ANO3: variants seen among roughly 807,000 people sequenced by gnomAD.
ANO3 encodes the protein anoctamin 3, also known as anoctamin-3.
ANO3 carries 99 observed loss-of-function variants against 144.8 expected under a neutral mutation model. The ratio of observed to expected loss-of-function variants is 0.68; its 90% CI spans 0.58 to 0.81. The LOEUF (loss-of-function observed/expected upper bound fraction) is 0.81. Among genes scored for constraint, ANO3 ranks in the 30% least tolerant of loss-of-function variants. The pLI is 0.00. For synonymous variants in ANO3, 414 were observed against 392.6 expected (o/e 1.05, Z -0.64); for missense variants, 905 against 1,202.2 (o/e 0.75, Z 3.66).
At chr11:26,257,003 C>G (rs1161543507) in intron 1 of ANO3, among the ~76,000 whole-genome samples, 1 of 151,936 alleles carries the variant, frequency 6.6e-6, no homozygotes, top group Non-Finnish European at 1.5e-5. Context: ...AATTATCCAT[C>G]CCAAAATGTG....
intron 1 of ANO3, among the ~76,000 whole-genome samples, chr11:26,191,335 TAC>T (rs746463223): frequency 0.013 from 1,926 of 143,624 alleles, 25 homozygotes; most frequent in African/African-American, 0.035. Flanking sequence ...TATACACACA[TAC>T]ACACACACAC....
At chr11:26,349,927 A>G (rs1855596429) in intron 1 of ANO3, among the ~76,000 whole-genome samples, 1 of 152,166 alleles carries the variant, frequency 6.6e-6, no homozygotes, top group African/African-American at 2.4e-5. Flanking sequence ...ACAGTAGCAG[A>G]AACTGAAGGC....
chr11:26,345,202 G>T (rs10734373), intron 1 of ANO3, among the ~76,000 whole-genome samples: 2 of 152,276 alleles, frequency 1.3e-5, no homozygotes, highest in Admixed American at 1.3e-4. Context: ...AATTGGAATT[G>T]TGACAATCAA....
intron 1 of ANO3, among the ~76,000 whole-genome samples, chr11:26,387,130 A>AT (rs372622053): frequency 0.017 from 2,198 of 128,190 alleles, 31 homozygotes; most frequent in Non-Finnish European, 0.021. Context: ...CAAATGTAGT[A>AT]TTTTTTTTTT....
In ANO3 at chr11:26,551,496, G is replaced by T. The variant is rs181593978; in HGVS notation, c.1290-1753G>T. 2.4e-3 allele frequency among the ~76,000 whole-genome samples: 371 copies of T among 152,058 alleles called. 4 individuals are homozygous for T. The highest frequency in any genetic ancestry group is 8.1e-3 in the African/African-American group (338 of 41,520). On this transcript the variant is annotated intron_variant, in intron 12 of 26. Transcript: ENST00000256737. Reference sequence around the variant, plus strand: ...TTGTGTACCATGTATCAAGTTGAATGTTGAGTAACTTTCAGAAAATGAATG... The same window carrying T: ...TTGTGTACCATGTATCAAGTTGAATTTTGAGTAACTTTCAGAAAATGAATG...
intron 11 of ANO3, among the ~76,000 whole-genome samples, chr11:26,544,423 C>T (rs960334290): frequency 5.3e-5 from 8 of 149,968 alleles, no homozygotes; most frequent in African/African-American, 1.7e-4. Flanking sequence ...TAGTAGTTAC[C>T]GAAGGCTAGG....
At chr11:26,583,656 A>G (rs1039974542) in intron 14 of ANO3, among the ~76,000 whole-genome samples, 2 of 152,254 alleles carry the variant, frequency 1.3e-5, no homozygotes, top group African/African-American at 2.4e-5. Flanking sequence ...AATGTCCCAT[A>G]TTCATGGCAC....
intron 1 of ANO3, among the ~76,000 whole-genome samples, chr11:26,368,134 T>C (rs1856145213): frequency 6.6e-6 from 1 of 152,232 alleles, no homozygotes; most frequent in African/African-American, 2.4e-5. Flanking sequence ...TATATTTTTC[T>C]CTCTCCAGAT....
intron 24 of ANO3, among the ~76,000 whole-genome samples, chr11:26,652,094 G>A (rs1001220167): frequency 6.6e-6 from 1 of 152,044 alleles, no homozygotes; most frequent in African/African-American, 2.4e-5. Flanking sequence ...GAATCACATC[G>A]TTGGTTCTCC....
intron 3 of ANO3, among the ~76,000 whole-genome samples, chr11:26,448,554 A>G (rs533436751): frequency 1.5e-4 from 23 of 152,330 alleles, no homozygotes; most frequent in East Asian, 9.6e-4. Context: ...AAAGGAGTAC[A>G]TGGTGATTTT....
In ANO3 at chr11:26,538,599, A is replaced by G. The variant is rs74652888; in HGVS notation, c.1032+1138A>G. Among the ~76,000 whole-genome samples, 1,121 of 152,266 alleles carry G rather than the reference A, an allele frequency of 7.4e-3. 19 individuals carry two copies. The highest frequency in any genetic ancestry group is 0.026 in the African/African-American group (1,094 of 41,554). Reference sequence around the variant, plus strand: ...CCAAGGAGAACCTCTGTAGCAAAGGAAGGTTTAATTTGTTCTCTGTCTAGG... The same window carrying G: ...CCAAGGAGAACCTCTGTAGCAAAGGGAGGTTTAATTTGTTCTCTGTCTAGG... On this transcript the variant is annotated intron_variant, in intron 10 of 26. Transcript: ENST00000256737.
intron 3 of ANO3, among the ~76,000 whole-genome samples, chr11:26,452,472 G>C (rs1252555951): frequency 6.6e-6 from 1 of 152,218 alleles, no homozygotes; most frequent in Non-Finnish European, 1.5e-5. Context: ...CTGGAAGAAA[G>C]GGTATCAGTG....
At chr11:26,231,060 G>A (rs1165825794) in intron 1 of ANO3, among the ~76,000 whole-genome samples, 1 of 151,648 alleles carries the variant, frequency 6.6e-6, no homozygotes, top group African/African-American at 2.4e-5. Flanking sequence ...TGTATTTTTA[G>A]TAGACACGGG....
chr11:26,617,286 C>T (rs902715264), intron 17 of ANO3, among the ~76,000 whole-genome samples: 4 of 152,272 alleles, frequency 2.6e-5, no homozygotes, highest in Admixed American at 1.3e-4. Context: ...TTCTCTTTCT[C>T]TTATAAGGTT....
At chr11:26,561,928 T>C (rs968031561) in intron 14 of ANO3, among the ~76,000 whole-genome samples, 1 of 151,984 alleles carries the variant, frequency 6.6e-6, no homozygotes, top group African/African-American at 2.4e-5. Flanking sequence ...CACTTAGGTA[T>C]CATCATTTGC....
At chr11:26,346,543 G>C (rs1855500096) in intron 1 of ANO3, among the ~76,000 whole-genome samples, 1 of 151,926 alleles carries the variant, frequency 6.6e-6, no homozygotes, top group Admixed American at 6.6e-5. Flanking sequence ...TTTAAATCTG[G>C]ACTTAATATT....
intron 24 of ANO3, among the ~76,000 whole-genome samples, chr11:26,653,355 T>C (rs1272439846): frequency 1.3e-5 from 2 of 152,126 alleles, no homozygotes; most frequent in Non-Finnish European, 2.9e-5. Context: ...TACTTTTTTT[T>C]TCCACGCCCC....
At position 26,500,433 on chromosome 11, in the gene ANO3, T is replaced by A. The variant is rs76910039; in HGVS notation, c.433-7671T>A. The stretch of plus-strand genomic sequence containing the variant: ...GCATCCCCATCAGAGATGAACAGGG[T>A]GAATTTCTCCATATCCTCGTCAATA... On this transcript the variant is annotated intron_variant, in intron 4 of 26. Transcript: ENST00000256737. 9.0e-3 allele frequency among the ~76,000 whole-genome samples: 1,367 copies of A among 152,156 alleles called. 28 individuals are homozygous for A. Among genetic ancestry groups the A allele is most frequent in the African/African-American group, 0.031 (1,300 of 41,524 alleles).
At chr11:26,240,797 C>T (rs758343973) in intron 1 of ANO3, among the ~76,000 whole-genome samples, 9 of 152,090 alleles carry the variant, frequency 5.9e-5, no homozygotes, top group Non-Finnish European at 1.0e-4. Flanking sequence ...GTTATGGAAA[C>T]GTATATCTTA....
Sources: allele counts gnomAD v4.1 joint callset (sites outside exome capture counted in the v4.1 genomes callset), GRCh38; gene constraint gnomAD v4.1.1; transcripts MANE v1.5; gene names NCBI Gene and HGNC (gene_info 2026-07-23, HGNC 2026-07-21).